Variants in CUBN observed in about 807,000 individuals in gnomAD.
CUBN encodes cubilin.
A neutral mutation model predicts 405.3 loss-of-function variants in CUBN; 282 were observed. The ratio of observed to expected loss-of-function variants is 0.70; its 90% CI spans 0.63 to 0.77. The LOEUF is 0.77. Among genes scored for constraint, CUBN ranks in the 30% least tolerant of loss-of-function variants. The probability of loss-of-function intolerance (pLI) is 0.00; values close to 1 mark genes in which losing one functional copy is unlikely to be tolerated. For missense variants in CUBN, 4,514 were observed against 4,475.2 expected, an observed-to-expected ratio of 1.01 and a Z score of -0.25; for synonymous variants, 1,684 against 1,617.0, an observed-to-expected ratio of 1.04 and a Z score of -0.99.
At chr10:16,843,397 T>C (rs905591476) in intron 60 of CUBN, among the ~76,000 whole-genome samples, 2 of 152,176 alleles carry the variant, frequency 1.3e-5, no homozygotes, top group African/African-American at 2.4e-5. Context: ...TCTAAAGTGC[T>C]AGGATTATGT....
chr10:17,106,579 C>A (rs1462133076), intron 10 of CUBN, among the ~76,000 whole-genome samples: 4 of 128,044 alleles, frequency 3.1e-5, no homozygotes, highest in East Asian at 2.2e-4. Flanking sequence ...GCCTGGGAGA[C>A]AGAGCAAAAC....
intron 17 of CUBN, among the ~76,000 whole-genome samples, chr10:17,084,069 T>A (rs992871238): frequency 6.6e-6 from 1 of 152,226 alleles, no homozygotes; most frequent in Non-Finnish European, 1.5e-5. Context: ...TTCTAGATAA[T>A]AAATCTGTAT....
chr10:17,025,241 T>C (rs193094191), intron 27 of CUBN, among the ~76,000 whole-genome samples: 1 of 152,350 alleles, frequency 6.6e-6, no homozygotes, highest in African/African-American at 2.4e-5. Context: ...TTTTGAGAAC[T>C]ATACTCAATC....
rs116531800 is a variant in CUBN at position 16,888,367 on chromosome 10, C to A, written c.8905+50G>T. 486 of 1,438,534 alleles carry A rather than the reference C, an allele frequency of 3.4e-4. 3 individuals carry two copies. In the African/African-American group the frequency reaches 6.1e-3, roughly 18 times the overall value. The allele number at this position is 1,438,534 out of a possible 1,614,324, so 89.1% of individuals were successfully genotyped here. ...AAACATGTTGTACACCATAAATATA[C>A]AATTTTTGTTTGTCAATTAAACGTA... On this transcript the variant is annotated intron_variant, in intron 56 of 66. Transcript: ENST00000377833.
At chr10:16,973,555 C>T (rs577966133) in intron 31 of CUBN, among the ~76,000 whole-genome samples, 4 of 152,252 alleles carry the variant, frequency 2.6e-5, no homozygotes, top group Admixed American at 2.0e-4. Context: ...AATTGCCTGT[C>T]ATGGGGGTTT....
intron 35 of CUBN, 148 bp downstream of exon 35, chr10:16,948,330 C>A: frequency 1.0e-6 from 1 of 966,354 alleles, no homozygotes; most frequent in Admixed American, 2.0e-5. Flanking sequence ...ACAACACGAT[C>A]ACTTAATTGG....
At chr10:16,952,412 T>A (rs1198799861) in intron 32 of CUBN, 23 bp from the exon 33 acceptor site, 1 of 1,289,450 alleles carries the variant, frequency 7.8e-7, no homozygotes, top group South Asian at 1.2e-5. Context: ...CAAACACACA[T>A]ACATGTCATA....
At chr10:16,904,344 A>G (rs1036978866) in intron 50 of CUBN, among the ~76,000 whole-genome samples, 2 of 152,254 alleles carry the variant, frequency 1.3e-5, no homozygotes, top group Non-Finnish European at 2.9e-5. Context: ...ATGAACCTCT[A>G]TGATGGACAC....
chr10:17,095,345 A>AT (rs1229301999), intron 14 of CUBN, among the ~76,000 whole-genome samples: 1 of 152,040 alleles, frequency 6.6e-6, no homozygotes, highest in South Asian at 2.1e-4. Context: ...CTGAGTAGTG[A>AT]TTTTTTTGGA....
intron 29 of CUBN, 65 bp downstream of exon 29, chr10:16,990,269 G>A: frequency 6.9e-7 from 1 of 1,453,460 alleles, no homozygotes; most frequent in Non-Finnish European, 9.7e-7. Flanking sequence ...CGGAATCTTG[G>A]CAGAGTGATT....
At chr10:16,846,962 C>T (rs568706287) in intron 60 of CUBN, among the ~76,000 whole-genome samples, 1 of 152,214 alleles carries the variant, frequency 6.6e-6, no homozygotes, top group South Asian at 2.1e-4. Context: ...CTCTCAGTTT[C>T]GTAAAGGATA....
At chr10:16,864,297 C>T (rs1247584292) in intron 59 of CUBN, among the ~76,000 whole-genome samples, 1 of 152,074 alleles carries the variant, frequency 6.6e-6, no homozygotes, top group Non-Finnish European at 1.5e-5. Context: ...TAGGAAAGAA[C>T]GAAAAATCAC....
chr10:17,065,361 G>C (rs916622850), intron 22 of CUBN, 147 bp downstream of exon 22: 1 of 930,462 alleles, frequency 1.1e-6, no homozygotes, highest in African/African-American at 1.6e-5. Context: ...TAATAAGGAA[G>C]GTATTTAAGT....
At position 16,914,000 on chromosome 10, in the gene CUBN, G is replaced by A; in HGVS notation, c.7352-8C>T. ...GAAGATCCCCACCACACTCTGACGT[G>A]GGGAAAAAGCCAAGAAAACTTTCAA... On this transcript the variant is annotated splice_polypyrimidine_tract_variant and splice_region_variant and intron_variant, in intron 47 of 66. Transcript: ENST00000377833. The A allele has an allele frequency of 1.2e-6, 2 of 1,613,690 alleles. No homozygotes were observed. Among genetic ancestry groups the A allele is most frequent in the Non-Finnish European group, 1.7e-6 (2 of 1,179,962 alleles).
chr10:16,998,382 C>T (rs777752354), intron 28 of CUBN, among the ~76,000 whole-genome samples: 23 of 152,002 alleles, frequency 1.5e-4, no homozygotes, highest in Non-Finnish European at 2.9e-4. Context: ...TGGAGTTATG[C>T]ATCTACAAGG....
At chr10:16,969,056 C>G (rs1843479007) in intron 31 of CUBN, among the ~76,000 whole-genome samples, 1 of 152,200 alleles carries the variant, frequency 6.6e-6, no homozygotes, top group African/African-American at 2.4e-5. Context: ...CTCATTATAG[C>G]AGCATGCAAT....
rs917856211 is a variant in CUBN at position 17,113,953 on chromosome 10, T to C, written c.883+74A>G. The C allele has an allele frequency of 6.3e-5, 90 of 1,426,160 alleles. 3 individuals carry two copies. In the South Asian group the frequency reaches 1.0e-3, roughly 16 times the overall value. 88.3% of individuals were successfully genotyped at this position (1,426,160 alleles called of 1,614,324 possible). ...TAAGAATTGTCTTCTTACTCATCAA[T>C]AGTGAAAGAAAATTGGTTCTGGCAC... On this transcript the variant is annotated intron_variant, in intron 8 of 66. Transcript: ENST00000377833.
At chr10:17,097,932 G>A (rs11816077) in intron 14 of CUBN, among the ~76,000 whole-genome samples, 23,166 of 151,702 alleles carry the variant, frequency 0.15, 2,000 homozygotes, top group Middle Eastern at 0.3. Context: ...ATGTCCCCTC[G>A]CCTTGAATTT....
chr10:17,114,454 A>C (rs1424711813), intron 7 of CUBN, among the ~76,000 whole-genome samples: 1 of 152,174 alleles, frequency 6.6e-6, no homozygotes, highest in African/African-American at 2.4e-5. Flanking sequence ...AAGAACTGTA[A>C]GTCAATATAA....
Sources: allele counts gnomAD v4.1 joint callset (sites outside exome capture counted in the v4.1 genomes callset), GRCh38; gene constraint gnomAD v4.1.1; transcripts MANE v1.5; gene names NCBI Gene and HGNC (gene_info 2026-07-23, HGNC 2026-07-21).